AGBL1: variants seen among roughly 807,000 people sequenced by gnomAD.
The protein encoded by AGBL1 is cytosolic carboxypeptidase 4.
In AGBL1, 130 loss-of-function variants were observed where a neutral mutation model predicts 118.9. The observed-to-expected ratio is 1.09, with a 90% CI of 0.95 to 1.26. The LOEUF is 1.26. Ranked by LOEUF, AGBL1 falls within the 50% of genes most tolerant of loss-of-function variation. AGBL1 has a pLI of 0.00. For missense variants in AGBL1, 1,584 were observed against 1,298.1 expected (o/e 1.22, Z -3.38); for synonymous variants, 555 against 478.9 (o/e 1.16, Z -2.08).
In AGBL1 at chr15:86,482,074, C is replaced by T. The variant is rs957318826; in HGVS notation, c.2556-40736C>T. On this transcript the variant is annotated intron_variant, in intron 18 of 22. Coordinates refer to ENST00000614907, the MANE Select transcript of AGBL1 (RefSeq NM_001386094.1). ...CGTTCACAGCTTAGGAACTCCTCTG[C>T]AAAGGAGACAGAAGCAATGTGTTCC... Among the ~76,000 whole-genome samples, 10 of 152,126 alleles carry T rather than the reference C, an allele frequency of 6.6e-5. 1 individual carries two copies. Among genetic ancestry groups the T allele is most frequent in the Admixed American group, 5.2e-4 (8 of 15,264 alleles).
intron 19 of AGBL1, among the ~76,000 whole-genome samples, chr15:86,536,790 A>G (rs1596240228): frequency 6.6e-6 from 1 of 152,340 alleles, no homozygotes; most frequent in East Asian, 1.9e-4. Context: ...CCCTCTGCCC[A>G]GAGCTAGTGG....
At chr15:86,828,063 C>T (rs376955653) in intron 22 of AGBL1, among the ~76,000 whole-genome samples, 5 of 149,922 alleles carry the variant, frequency 3.3e-5, no homozygotes, top group African/African-American at 1.2e-4. Flanking sequence ...CTTCAGCCTC[C>T]TGAATAAGCA....
Position 86,909,864 on chromosome 15 carries a change from C to T in AGBL1, c.*2570C>T, listed in dbSNP as rs562850797. The T allele has an allele frequency of 4.6e-5, 7 of 152,302 alleles. No homozygotes were observed. Among genetic ancestry groups the T allele is most frequent in the African/African-American group, 1.7e-4 (7 of 41,558 alleles). 9.4% of individuals were successfully genotyped at this position (152,302 alleles called of 1,614,324 possible). ...GTCATGAGGCATGTTTCTTAAAAAA[C>T]GTGACCATGACAGATAAGTTTTTAT... On this transcript the variant is annotated 3_prime_UTR_variant, in exon 23 of 23. Coordinates refer to ENST00000614907, the MANE Select transcript of AGBL1 (RefSeq NM_001386094.1).
chr15:86,729,226 C>A (rs927704945), intron 22 of AGBL1, among the ~76,000 whole-genome samples: 1 of 152,214 alleles, frequency 6.6e-6, no homozygotes, highest in African/African-American at 2.4e-5. Flanking sequence ...TAGGTTTTAA[C>A]TGAAAAATAG....
intron 19 of AGBL1, among the ~76,000 whole-genome samples, chr15:86,527,806 C>T (rs2346742): frequency 0.44 from 66,900 of 151,648 alleles, 15,745 homozygotes; most frequent in East Asian, 0.68. Context: ...AAAGCAGTAC[C>T]CTGAGAGCGT....
intron 21 of AGBL1, among the ~76,000 whole-genome samples, chr15:86,609,088 G>A (rs988107775): frequency 6.6e-6 from 1 of 152,122 alleles, no homozygotes; most frequent in African/African-American, 2.4e-5. Context: ...TGGCTCTTGT[G>A]AATGCATATT....
At chr15:86,903,904 A>G (rs969772416) in intron 22 of AGBL1, among the ~76,000 whole-genome samples, 2 of 151,806 alleles carry the variant, frequency 1.3e-5, no homozygotes, top group African/African-American at 2.4e-5. Context: ...CAGGTTCCCC[A>G]CACAACCTCC....
Position 86,978,738 on chromosome 15 carries a change from T to C in AGBL1, c.3222-9249T>C, listed in dbSNP as rs116461457. Among the ~76,000 whole-genome samples the C allele has an allele frequency of 5.1e-3, 769 of 152,238 alleles. 11 individuals carry two copies. Among genetic ancestry groups the C allele is most frequent in the African/African-American group, 0.017 (697 of 41,536 alleles). On this transcript the variant is annotated intron_variant, in intron 23 of 24. Coordinates refer to the AGBL1 transcript ENST00000441037. ...GAAGAACTTAGAGATAAGCTCTAAG[T>C]CACTGCAGTTCATGTAAAAGAACAA...
intron 24 of AGBL1, among the ~76,000 whole-genome samples, chr15:87,005,717 C>T (rs930295757): frequency 6.6e-6 from 1 of 152,180 alleles, no homozygotes; most frequent in Non-Finnish European, 1.5e-5. Context: ...CTCTGTCCAG[C>T]TTTGTTTCGT....
chr15:86,510,179 G>T (rs2083037057), intron 18 of AGBL1, among the ~76,000 whole-genome samples: 1 of 152,084 alleles, frequency 6.6e-6, no homozygotes, highest in Non-Finnish European at 1.5e-5. Flanking sequence ...CGTGTCCTAA[G>T]AGACTAATCA....
intron 1 of AGBL1, among the ~76,000 whole-genome samples, chr15:86,108,911 C>T (rs746242294): frequency 3.0e-4 from 46 of 152,074 alleles, no homozygotes; most frequent in East Asian, 7.7e-4. Flanking sequence ...GAGCCAAGAT[C>T]GCGCCACTGC....
rs59067780 is a variant in AGBL1, at chr15:86,931,566, T to TTGCTGC, written c.3222-56376_3222-56371dup. On this transcript the variant is annotated intron_variant, in intron 23 of 24. Coordinates refer to the AGBL1 transcript ENST00000441037. ...AGCAACAAAATGAATAGTGGTGCTT[T>TTGCTGC]TGCTGCTGCTGCTGCTGCTGCTGCT... is the stretch of plus-strand genomic sequence containing the variant. 5.9e-3 allele frequency among the ~76,000 whole-genome samples: 895 copies of TTGCTGC among 150,502 alleles called. 7 individuals are homozygous for TTGCTGC. The highest frequency in any genetic ancestry group is 0.033 in the East Asian group (169 of 5,056).
At chr15:86,954,206 A>G (rs1258012083) in intron 23 of AGBL1, among the ~76,000 whole-genome samples, 3 of 152,238 alleles carry the variant, frequency 2.0e-5, no homozygotes, top group African/African-American at 7.2e-5. Context: ...AAGGATGGAA[A>G]TTAGTTCAAC....
chr15:86,471,510 T>C (rs939555174), intron 18 of AGBL1, among the ~76,000 whole-genome samples: 3 of 151,976 alleles, frequency 2.0e-5, no homozygotes, highest in Admixed American at 1.3e-4. Flanking sequence ...TTTTTTTTTT[T>C]TTTTTATAGC....
chr15:86,479,365 T>C (rs1280737799), intron 18 of AGBL1, among the ~76,000 whole-genome samples: 3 of 152,000 alleles, frequency 2.0e-5, no homozygotes, highest in Non-Finnish European at 4.4e-5. Flanking sequence ...GAATCTACAA[T>C]GAACTCAAAC....
intron 22 of AGBL1, among the ~76,000 whole-genome samples, chr15:86,805,803 A>C (rs1039782239): frequency 2.6e-5 from 4 of 152,172 alleles, no homozygotes; most frequent in Admixed American, 2.6e-4. Flanking sequence ...CAACACACTC[A>C]ACCATTTACT....
intron 22 of AGBL1, among the ~76,000 whole-genome samples, chr15:86,817,489 CACAG>C (rs1264110741): frequency 6.9e-6 from 1 of 145,886 alleles, no homozygotes; most frequent in Non-Finnish European, 1.5e-5. Flanking sequence ...CACACACACA[CACAG>C]AGGAGAGAGA....
At chr15:86,314,172 C>G (rs1052360677) in intron 17 of AGBL1, among the ~76,000 whole-genome samples, 1 of 152,234 alleles carries the variant, frequency 6.6e-6, no homozygotes, top group Non-Finnish European at 1.5e-5. Context: ...GAACTGACCT[C>G]TCCTGGGTAT....
intron 22 of AGBL1, among the ~76,000 whole-genome samples, chr15:86,779,857 G>A (rs574624081): frequency 7.3e-5 from 11 of 151,504 alleles, no homozygotes; most frequent in East Asian, 3.9e-4. Flanking sequence ...TTTGTTCATC[G>A]TTGTATTGAG....
Sources: allele counts gnomAD v4.1 joint callset (sites outside exome capture counted in the v4.1 genomes callset), GRCh38; gene constraint gnomAD v4.1.1; transcripts MANE v1.5; gene names NCBI Gene and HGNC (gene_info 2026-07-23, HGNC 2026-07-21).